The following SAMMSON variants were observed in gnomAD, a reference collection of about 807,000 sequenced individuals.
SAMMSON encodes survival associated mitochondrial melanoma specific oncogenic non-coding RNA.
At chr3:70,362,970 C>A (rs1702884702) in intron 9 of SAMMSON, among the ~76,000 whole-genome samples, 1 of 151,916 alleles carries the variant, frequency 6.6e-6, no homozygotes, top group Non-Finnish European at 1.5e-5. Context: ...GTATCTATCT[C>A]TATGGTTGAC....
intron 7 of SAMMSON, among the ~76,000 whole-genome samples, chr3:70,328,797 A>C (rs1702599576): frequency 6.6e-6 from 1 of 152,154 alleles, no homozygotes; most frequent in South Asian, 2.1e-4. Context: ...ATTTGATGAA[A>C]ATTAGAAACC....
chr3:70,406,047 G>A (rs1701175900), intron 2 of SAMMSON, among the ~76,000 whole-genome samples: 1 of 152,076 alleles, frequency 6.6e-6, no homozygotes, highest in South Asian at 2.1e-4. Flanking sequence ...AAGAATAAAT[G>A]TTAAGTGTTC....
rs1702916570 is a variant in SAMMSON, at chr3:70,365,961, T to C, written n.913+7637T>C. ...TGCCAGCTTAAAAATTGTTTGTGCT[T>C]TACCTTTTCTTTTTTTTTTTTTTTT... On this transcript the variant is annotated intron_variant and non_coding_transcript_variant, in intron 9 of 9. Transcript: ENST00000642114. Among the ~76,000 whole-genome samples the C allele has an allele frequency of 3.5e-5, 3 of 85,526 alleles. 1 individual carries two copies. The Admixed American group carries it at 3.9e-4, about 11-fold the overall frequency. The allele number at this position is 85,526 out of a possible 152,430, so 56.1% of individuals were successfully genotyped here. A position where few individuals can be genotyped will look rare whatever the true frequency, so the allele number is the denominator to read the frequency against.
At chr3:70,391,087 A>T (rs138237447), downstream of SAMMSON, among the ~76,000 whole-genome samples, 1,277 of 152,300 alleles carry the variant, frequency 8.4e-3, 12 homozygotes, top group Middle Eastern at 0.014. Flanking sequence ...CAGAGAAAAG[A>T]CAAAGAACTG....
intron 4 of SAMMSON, among the ~76,000 whole-genome samples, chr3:70,163,956 C>T (rs981126863): frequency 5.3e-5 from 8 of 151,986 alleles, no homozygotes; most frequent in African/African-American, 1.9e-4. Context: ...TAGCCATGTG[C>T]CCCATAAACC....
chr3:70,272,563 A>G (rs1057089494), intron 6 of SAMMSON, among the ~76,000 whole-genome samples: 4 of 152,258 alleles, frequency 2.6e-5, no homozygotes, highest in Admixed American at 2.0e-4. Context: ...TGCTATAAAC[A>G]TTCCCGTACA....
chr3:70,152,533 A>T (rs895661355), intron 4 of SAMMSON, among the ~76,000 whole-genome samples: 13 of 151,976 alleles, frequency 8.6e-5, no homozygotes, highest in Non-Finnish European at 1.9e-4. Flanking sequence ...TAGTATTGGC[A>T]TGTTATTTTC....
chr3:70,085,074 G>A (rs879479165), intron 4 of SAMMSON, among the ~76,000 whole-genome samples: 15 of 152,092 alleles, frequency 9.9e-5, no homozygotes, highest in Admixed American at 2.6e-4. Flanking sequence ...TGGATAAAGC[G>A]GTCAAGAGGT....
At chr3:70,040,839 A>C (rs2067103625) in intron 3 of SAMMSON, among the ~76,000 whole-genome samples, 1 of 152,096 alleles carries the variant, frequency 6.6e-6, no homozygotes, top group South Asian at 2.1e-4. Flanking sequence ...TCAGGATGCA[A>C]ATCAAAGTCT....
At chr3:70,380,338 A>C (rs56074032) in intron 9 of SAMMSON, among the ~76,000 whole-genome samples, 1 of 152,036 alleles carries the variant, frequency 6.6e-6, no homozygotes, top group Non-Finnish European at 1.5e-5. Flanking sequence ...AGATACGAGT[A>C]CAAAATCAAA....
intron 7 of SAMMSON, chr3:70,312,735 T>A (rs1247432946): frequency 5.9e-5 from 8 of 135,676 alleles, no homozygotes; most frequent in Non-Finnish European, 9.6e-5. Flanking sequence ...CGGCCGAGAG[T>A]TTTTTTTGTG....
intron 7 of SAMMSON, among the ~76,000 whole-genome samples, chr3:70,337,880 A>ATTAAAT (rs1702677928): frequency 6.6e-6 from 1 of 151,778 alleles, no homozygotes; most frequent in South Asian, 2.1e-4. Context: ...TTAATCTTAA[A>ATTAAAT]CATTTTATAT....
intron 4 of SAMMSON, chr3:70,137,688 A>C (rs1456286490): frequency 6.6e-6 from 1 of 152,218 alleles, no homozygotes; most frequent in South Asian, 2.1e-4. Context: ...TAATGGCCAC[A>C]GTTTTTAAAA....
rs534636168 is a variant in SAMMSON, at chr3:70,034,581, C to T, written n.417+20909C>T. On this transcript the variant is annotated intron_variant and non_coding_transcript_variant, in intron 3 of 9. Transcript: ENST00000642114. ...TTGTTCTGCCAGGCGTGGTGGCTCA[C>T]GCTTATAATCCCAGCACTTTGGGAG... Among the ~76,000 whole-genome samples the T allele has an allele frequency of 5.9e-5, 9 of 152,262 alleles. No individual in the cohort carries two copies. The South Asian group carries it at 1.7e-3, about 28-fold the overall frequency.
intron 4 of SAMMSON, among the ~76,000 whole-genome samples, chr3:70,228,367 G>A (rs1201992582): frequency 2.0e-5 from 3 of 151,726 alleles, no homozygotes; most frequent in Non-Finnish European, 4.4e-5. Flanking sequence ...TCATCTTCAG[G>A]ATAGCTTTTC....
intron 3 of SAMMSON, among the ~76,000 whole-genome samples, chr3:70,039,329 A>T (rs1415849105): frequency 6.6e-6 from 1 of 152,036 alleles, no homozygotes; most frequent in East Asian, 1.9e-4. Flanking sequence ...TTTTTGGGTG[A>T]AGCTGAAATT....
intron 3 of SAMMSON, among the ~76,000 whole-genome samples, chr3:70,043,707 A>G (rs1054786613): frequency 2.6e-5 from 4 of 152,128 alleles, no homozygotes; most frequent in Admixed American, 1.3e-4. Flanking sequence ...TGTTGGGAAC[A>G]TTGGCAGAAA....
intron 6 of SAMMSON, among the ~76,000 whole-genome samples, chr3:70,280,246 T>C (rs1268661023): frequency 6.6e-6 from 1 of 152,132 alleles, no homozygotes; most frequent in African/African-American, 2.4e-5. Flanking sequence ...CTTAAAAAGA[T>C]GTTTGTGATT....
intron 9 of SAMMSON, among the ~76,000 whole-genome samples, chr3:70,374,034 C>A (rs1438633422): frequency 6.6e-6 from 1 of 152,108 alleles, no homozygotes; most frequent in Non-Finnish European, 1.5e-5. Context: ...CCTGTATCAG[C>A]CTCTGGAGTA....
Sources: gnomAD v4.1 joint callset for allele counts (sites outside exome capture counted in the v4.1 genomes callset) on GRCh38, gnomAD v4.1.1 for gene constraint, MANE v1.5 for transcripts, NCBI Gene and HGNC (gene_info 2026-07-23, HGNC 2026-07-21) for gene names.